The following SULF2 variants were observed in gnomAD, a reference collection of about 807,000 sequenced individuals.
SULF2 encodes sulfatase 2.
Under a neutral mutation model 107.7 loss-of-function variants are expected in SULF2, and 52 were observed. The observed-to-expected ratio is 0.48, with a 90% CI of 0.39 to 0.61. The LOEUF is 0.61. Among genes scored for constraint, SULF2 ranks in the 20% least tolerant of loss-of-function variants. SULF2 has a pLI of 0.00. For missense variants in SULF2, 993 were observed against 1,177.3 expected (o/e 0.84, Z 2.29); for synonymous variants, 460 against 464.3 (o/e 0.99, Z 0.12).
chr20:47,751,079 T>C (rs1190761774), intron 2 of SULF2, among the ~76,000 whole-genome samples: 1 of 152,242 alleles, frequency 6.6e-6, no homozygotes, highest in Non-Finnish European at 1.5e-5. Context: ...TGTTAACTCT[T>C]GCATTAGAAT....
Position 47,661,904 on chromosome 20 carries a change from C to T in SULF2, c.2371-8G>A. On this transcript the variant is annotated splice_polypyrimidine_tract_variant and splice_region_variant and intron_variant, in intron 17 of 20. Coordinates refer to ENST00000688720, the MANE Select transcript of SULF2 (RefSeq NM_001387048.1). ...GTTCACTGCATTCATCAGCTGGTTG[C>T]AAAAAAGGTAGTCTGTCAACAAGGT... is the stretch of plus-strand genomic sequence containing the variant. The T allele has an allele frequency of 2.6e-6, 4 of 1,533,876 alleles. No homozygotes were observed. The highest frequency in any genetic ancestry group is 3.5e-6 in the Non-Finnish European group (4 of 1,128,970).
intron 5 of SULF2, among the ~76,000 whole-genome samples, chr20:47,688,260 G>A (rs561911542): frequency 4.8e-4 from 73 of 152,282 alleles, no homozygotes; most frequent in African/African-American, 1.7e-3. Flanking sequence ...CATCCTAGCT[G>A]CAGGACTTTC....
rs1235366529 is a variant in SULF2 at position 47,665,849 on chromosome 20, C to T, written c.1902+8G>A. 3 of 1,613,032 alleles carry T rather than the reference C, an allele frequency of 1.9e-6. No individual in the cohort carries two copies. The East Asian group carries it at 6.7e-5, about 36-fold the overall frequency. On this transcript the variant is annotated splice_region_variant and intron_variant, in intron 13 of 20. Transcript: ENST00000688720. ...CGAGAGCATGCTCCTCTCCCGCTCT[C>T]CACTCACCTCGTGGTCGATGTGCAG...
rs572793588 is a variant in SULF2 at position 47,693,416 on chromosome 20, C to T, written c.568-3121G>A. 5.3e-5 allele frequency among the ~76,000 whole-genome samples: 8 copies of T among 152,332 alleles called. No homozygotes were observed. The South Asian group carries it at 1.7e-3, about 32-fold the overall frequency. On this transcript the variant is annotated intron_variant, in intron 4 of 20. Coordinates refer to ENST00000688720, the MANE Select transcript of SULF2 (RefSeq NM_001387048.1). ...CTTCATAACAGACTCATCTTCACTA[C>T]TTCATCTTAGAACTATATGCCTGTT...
At chr20:47,715,676 G>C (rs1443522978) in intron 3 of SULF2, among the ~76,000 whole-genome samples, 2 of 151,920 alleles carry the variant, frequency 1.3e-5, no homozygotes, top group African/African-American at 2.4e-5. Context: ...CTGCCTCCCG[G>C]GTTCCAGTGA....
Position 47,657,649 on chromosome 20 carries a change from T to C in SULF2, c.*713A>G, listed in dbSNP as rs1488631480. On this transcript the variant is annotated 3_prime_UTR_variant, in exon 21 of 21. Coordinates refer to ENST00000688720, the MANE Select transcript of SULF2 (RefSeq NM_001387048.1). The stretch of plus-strand genomic sequence containing the variant: ...AATGGTATCTGGACAGGAACAGAAA[T>C]GTCCACAACTGCGAGGGATTTTCTT... The C allele has an allele frequency of 6.6e-6, 1 of 152,074 alleles. No homozygotes were observed. Among genetic ancestry groups the C allele is most frequent in the Non-Finnish European group, 1.5e-5 (1 of 68,016 alleles). The allele number at this position is 152,074 out of a possible 1,614,324, so 9.4% of individuals were successfully genotyped here.
chr20:47,677,053 G>A lies in SULF2; in HGVS notation c.1250+25C>T, dbSNP rs2087665981. On this transcript the variant is annotated intron_variant, in intron 9 of 20. Coordinates refer to ENST00000688720, the MANE Select transcript of SULF2 (RefSeq NM_001387048.1). ...CAGAGGGAGGGAGGTGGGCAGGGGTGTCCCTCCCAGGACCCGGCACTCACC... is the reference window on the plus strand; with the variant it reads ...CAGAGGGAGGGAGGTGGGCAGGGGTATCCCTCCCAGGACCCGGCACTCACC... The A allele has an allele frequency of 3.7e-6, 6 of 1,611,200 alleles. No homozygotes were observed. In the East Asian group the frequency reaches 1.3e-4, roughly 36 times the overall value.
chr20:47,752,127 G>A (rs763966644), intron 2 of SULF2, among the ~76,000 whole-genome samples: 3 of 152,184 alleles, frequency 2.0e-5, no homozygotes, highest in Non-Finnish European at 4.4e-5. Flanking sequence ...TTTTAATGTC[G>A]TTTTGATATG....
chr20:47,677,502 AGTTCAGCGTCAGGCGCAGTG>A lies in SULF2; in HGVS notation c.1194-388_1194-369del, dbSNP rs1455415081. Among the ~76,000 whole-genome samples the A allele has an allele frequency of 3.3e-5, 5 of 151,900 alleles. No homozygotes were observed. In the East Asian group the frequency reaches 7.8e-4, roughly 24 times the overall value. On this transcript the variant is annotated intron_variant, in intron 8 of 20. Transcript: ENST00000688720. Reference sequence around the variant, plus strand: ...CCGGCACTAGACGAGCTCTATCTCGAGTTCAGCGTCAGGCGCAGTGGTTCAGCATCAGGCGCAGTGGTTTG... The same window carrying A: ...CCGGCACTAGACGAGCTCTATCTCGAGTTCAGCATCAGGCGCAGTGGTTTG...
chr20:47,709,208 C>T (rs1001053909), intron 3 of SULF2, among the ~76,000 whole-genome samples: 7 of 152,172 alleles, frequency 4.6e-5, no homozygotes, highest in African/African-American at 1.4e-4. Flanking sequence ...GCCTGGGAAG[C>T]TTGGATTCGC....
In SULF2 at chr20:47,666,298, G is replaced by A. The variant is rs565111485; in HGVS notation, c.1767C>T (p.Pro589=). 2.0e-5 allele frequency: 32 copies of A among 1,614,178 alleles called. No homozygotes were observed. The highest frequency in any genetic ancestry group is 1.9e-4 in the South Asian group (17 of 91,080). ...GGDFSGTGGL[P]DYSAANPIKV... is the part of the protein sequence containing the mutation. The stretch of plus-strand genomic sequence containing the variant: ...TAATGGGGTTGGCGGCTGAGTAGTC[G>A]GGAAGGCCTCCAGTGCCACTGAAGT... Residue 589 remains proline (P), a synonymous_variant, in exon 12 of 21, where the codon CCC becomes CCT. Transcript: ENST00000688720. This position sits in a 1 kb window ranked among gnomAD's most constrained non-coding sequence, Gnocchi z 5.4.
intron 5 of SULF2, among the ~76,000 whole-genome samples, chr20:47,688,028 G>T (rs2088070830): frequency 2.0e-5 from 3 of 152,078 alleles, no homozygotes. Context: ...TGTGTGTGGG[G>T]GGGTGCATGG....
At chr20:47,698,100 C>G (rs1227307540) in intron 4 of SULF2, among the ~76,000 whole-genome samples, 2 of 152,212 alleles carry the variant, frequency 1.3e-5, no homozygotes, top group African/African-American at 4.8e-5. Context: ...GGGCCTGGAC[C>G]CATCAGACTT....
Position 47,736,876 on chromosome 20 carries a change from G to C in SULF2, c.242C>G (p.Ala81Gly), listed in dbSNP as rs1273763636. The C allele has an allele frequency of 6.2e-7, 1 of 1,614,262 alleles. No individual in the cohort carries two copies. The highest frequency in any genetic ancestry group is 1.3e-5 in the African/African-American group (1 of 75,078). Residue 81 changes from alanine to glycine, a missense_variant, in exon 3 of 21, where the codon GCC (alanine) becomes GGC (glycine). Transcript: ENST00000688720. ...MEQGGAHFIN[A>G]FVTTPMCCPS... ...GCAGCACATGGGTGTGGTCACGAAG[G>C]CGTTGATGAAGTGCGCCCCGCCCTG...
At chr20:47,733,404 G>A (rs1568874718) in intron 3 of SULF2, among the ~76,000 whole-genome samples, 4 of 152,168 alleles carry the variant, frequency 2.6e-5, no homozygotes, top group Admixed American at 2.6e-4. Flanking sequence ...CCTACACTTC[G>A]TCAATTCACT....
chr20:47,749,333 G>A (rs2146864138), intron 2 of SULF2, among the ~76,000 whole-genome samples: 1 of 152,314 alleles, frequency 6.6e-6, no homozygotes, highest in South Asian at 2.1e-4. Context: ...CAGAACTCAA[G>A]TGATCTCCCA....
chr20:47,696,818 C>G (rs1568827489), intron 4 of SULF2, among the ~76,000 whole-genome samples: 1 of 152,178 alleles, frequency 6.6e-6, no homozygotes, highest in Non-Finnish European at 1.5e-5. Context: ...GGACATAAGG[C>G]AGACCGGCCT....
intron 1 of SULF2, among the ~76,000 whole-genome samples, chr20:47,761,264 A>G (rs116972609): frequency 0.042 from 6,393 of 152,250 alleles, 185 homozygotes; most frequent in Middle Eastern, 0.071. Context: ...ACCCAGACAG[A>G]AGATGGCAGG....
chr20:47,727,406 G>A (rs960005459), intron 3 of SULF2, among the ~76,000 whole-genome samples: 5 of 152,148 alleles, frequency 3.3e-5, no homozygotes, highest in Admixed American at 1.3e-4. Flanking sequence ...CAAGGGCAAA[G>A]GACCCTCCCC....
Sources: allele counts gnomAD v4.1 joint callset (sites outside exome capture counted in the v4.1 genomes callset), GRCh38; gene constraint gnomAD v4.1.1; non-coding constraint Gnocchi (gnomAD v3.1); transcripts MANE v1.5; gene names NCBI Gene and HGNC (gene_info 2026-07-23, HGNC 2026-07-21).